NOL10: variants seen among roughly 807,000 people sequenced by gnomAD.
The protein encoded by NOL10 is H_NH0074G24.1.
In NOL10, 58 loss-of-function variants were observed where a neutral mutation model predicts 103.5. That is an observed-to-expected ratio of 0.56 (90% confidence interval 0.45 to 0.70). The LOEUF is 0.70. NOL10 is among the 30% of genes least tolerant of loss of function. The pLI is 0.00. For synonymous variants in NOL10, 287 were observed against 282.5 expected (o/e 1.02, Z -0.16); for missense variants, 763 against 807.3 (o/e 0.95, Z 0.67).
intron 12 of NOL10, 104 bp from the exon 13 acceptor site, chr2:10,644,476 T>TGAACCAA (rs1678923988): frequency 1.4e-6 from 1 of 709,358 alleles, no homozygotes; most frequent in Non-Finnish European, 2.3e-6. Flanking sequence ...TGTTAGTCAG[T>TGAACCAA]GAACCAAAGT....
intron 13 of NOL10, among the ~76,000 whole-genome samples, chr2:10,638,210 C>CA (rs1678401090): frequency 6.6e-6 from 1 of 152,092 alleles, no homozygotes; most frequent in African/African-American, 2.4e-5. Flanking sequence ...GCTAGAGCCC[C>CA]AAAGGATGAA....
chr2:10,652,667 C>T (rs10929689), intron 12 of NOL10, among the ~76,000 whole-genome samples: 23 of 151,916 alleles, frequency 1.5e-4, no homozygotes, highest in Non-Finnish European at 3.1e-4. Context: ...GCTCCTCCCC[C>T]TCATTCTCCC....
intron 5 of NOL10, 43 bp downstream of exon 5, chr2:10,673,477 T>C (rs766828288): frequency 1.5e-6 from 2 of 1,291,816 alleles, no homozygotes; most frequent in Admixed American, 2.7e-5. Context: ...CACTCACTCA[T>C]TTCTTGGGTC....
At chr2:10,576,167 A>T (rs902457637) in intron 20 of NOL10, among the ~76,000 whole-genome samples, 4 of 152,144 alleles carry the variant, frequency 2.6e-5, no homozygotes, top group Non-Finnish European at 5.9e-5. Flanking sequence ...AAATCAAACA[A>T]CACACCACTC....
intron 12 of NOL10, among the ~76,000 whole-genome samples, chr2:10,648,870 G>A (rs1679267041): frequency 6.6e-6 from 1 of 151,986 alleles, no homozygotes; most frequent in Non-Finnish European, 1.5e-5. Flanking sequence ...AGATGTGGGG[G>A]ACTATACTGG....
At chr2:10,657,942 G>T in intron 10 of NOL10, 51 bp from the exon 11 acceptor site, 1 of 1,373,590 alleles carries the variant, frequency 7.3e-7, no homozygotes, top group Non-Finnish European at 9.8e-7. Flanking sequence ...TATCTTCAAA[G>T]GAAATATTTC....
At chr2:10,689,632 C>T (rs1682482328) in intron 1 of NOL10, among the ~76,000 whole-genome samples, 164 bp downstream of exon 1, 1 of 152,224 alleles carries the variant, frequency 6.6e-6, no homozygotes, top group South Asian at 2.1e-4. Flanking sequence ...CTCCCAATGC[C>T]GACACCTCCC....
chr2:10,625,793 A>T (rs1677422398), intron 13 of NOL10, among the ~76,000 whole-genome samples: 1 of 152,178 alleles, frequency 6.6e-6, no homozygotes, highest in African/African-American at 2.4e-5. Flanking sequence ...CGGGTTTGTT[A>T]CATTTCTCTC....
rs527596046 is a variant in NOL10, at chr2:10,667,235, C to A, written c.574G>T (p.Ala192Ser). 21 of 1,586,630 alleles carry A rather than the reference C, an allele frequency of 1.3e-5. No individual in the cohort carries two copies. In the South Asian group the frequency reaches 2.4e-4, roughly 18 times the overall value. The change falls in exon 8 of 21, where the codon GCC (alanine) becomes TCC (serine). Residue 192 changes from alanine (A) to serine (S), a missense_variant. Coordinates refer to ENST00000381685, the MANE Select transcript of NOL10 (RefSeq NM_024894.4). ...CDINSVHGLF[A>S]TGTIEGRVEC... ...ATGCTTACCTCTATGGTTCCTGTGG[C>A]AAACAAGCCATGCACTGAATTTATG... is the stretch of plus-strand genomic sequence containing the variant.
intron 6 of NOL10, among the ~76,000 whole-genome samples, chr2:10,670,521 G>C (rs1680858474): frequency 6.6e-6 from 1 of 152,188 alleles, no homozygotes; most frequent in African/African-American, 2.4e-5. Flanking sequence ...GATCACCTGA[G>C]GTCAGGAGTT....
intron 17 of NOL10, among the ~76,000 whole-genome samples, chr2:10,598,834 TA>T (rs879699122): frequency 3.3e-5 from 5 of 152,214 alleles, no homozygotes; most frequent in Non-Finnish European, 5.9e-5. Flanking sequence ...AATTAGGCTT[TA>T]TTCCTAATGT....
chr2:10,642,429 C>A (rs1199007841), intron 13 of NOL10, among the ~76,000 whole-genome samples: 4 of 152,204 alleles, frequency 2.6e-5, no homozygotes, highest in Admixed American at 2.6e-4. Flanking sequence ...TTAATGCATT[C>A]CCCTGCGGCA....
chr2:10,686,195 C>T (rs1393614764), intron 1 of NOL10, among the ~76,000 whole-genome samples: 1 of 151,866 alleles, frequency 6.6e-6, no homozygotes, highest in Non-Finnish European at 1.5e-5. Flanking sequence ...AAAAATAAAG[C>T]AAGAAAAGGA....
At position 10,641,745 on chromosome 2, in the gene NOL10, A is replaced by AT. The variant is rs371939675; in HGVS notation, c.1026+2574dup. ...CATCAATTTCAAGTCTCTTACAACCATAACAACCCTTTCAATTCTATGCCC... is the reference window on the plus strand; with the variant it reads ...CATCAATTTCAAGTCTCTTACAACCATTAACAACCCTTTCAATTCTATGCCC... On this transcript the variant is annotated intron_variant, in intron 13 of 20. Transcript: ENST00000381685. 2.6e-3 allele frequency among the ~76,000 whole-genome samples: 397 copies of AT among 152,246 alleles called. 2 individuals are homozygous for AT. Among genetic ancestry groups the AT allele is most frequent in the African/African-American group, 9.3e-3 (387 of 41,542 alleles).
At chr2:10,688,208 C>T (rs1328031074) in intron 1 of NOL10, among the ~76,000 whole-genome samples, 5 of 152,192 alleles carry the variant, frequency 3.3e-5, no homozygotes, top group African/African-American at 9.7e-5. Flanking sequence ...CCACCGAAGT[C>T]GCTCACCTGG....
In NOL10 at chr2:10,627,231, A is replaced by G. The variant is rs117251176; in HGVS notation, c.1026+17089T>C. On this transcript the variant is annotated intron_variant, in intron 13 of 20. Coordinates refer to ENST00000381685, the MANE Select transcript of NOL10 (RefSeq NM_024894.4). ...ATATAACTGAAAAATCACAAAACAG[A>G]ACTCCACACTTTTTCCCCATAAAAT... is the stretch of plus-strand genomic sequence containing the variant. 1.1e-3 allele frequency among the ~76,000 whole-genome samples: 167 copies of G among 152,306 alleles called. 4 individuals are homozygous for G. The East Asian group carries it at 0.031, about 28-fold the overall frequency.
rs544855552 is a variant in NOL10, at chr2:10,579,362, G to GT, written c.1845-1625dup. Among the ~76,000 whole-genome samples, 480 of 152,238 alleles carry GT rather than the reference G, an allele frequency of 3.2e-3. 1 individual carries two copies. Among genetic ancestry groups the GT allele is most frequent in the Admixed American group, 5.8e-3 (89 of 15,300 alleles). ...CCTTTATAGATGGCAAAAAAGGGAG[G>GT]TAAGATGTGAAATGACTTGCTGCAG... is the stretch of plus-strand genomic sequence containing the variant. On this transcript the variant is annotated intron_variant, in intron 19 of 20. Transcript: ENST00000381685.
At chr2:10,584,311 G>A (rs1674913544) in intron 19 of NOL10, among the ~76,000 whole-genome samples, 1 of 152,182 alleles carries the variant, frequency 6.6e-6, no homozygotes, top group African/African-American at 2.4e-5. Context: ...GTTGATAAAT[G>A]CTTGATGAAT....
intron 19 of NOL10, among the ~76,000 whole-genome samples, chr2:10,587,102 T>TATATATACAA (rs1558270187): frequency 2.5e-5 from 1 of 40,290 alleles, no homozygotes; most frequent in African/African-American, 1.4e-4. Context: ...TATATACACA[T>TATATATACAA]ATATATACAT....
Sources: gnomAD v4.1 joint callset for allele counts (sites outside exome capture counted in the v4.1 genomes callset) on GRCh38, gnomAD v4.1.1 for gene constraint, MANE v1.5 for transcripts, NCBI Gene and HGNC (gene_info 2026-07-23, HGNC 2026-07-21) for gene names.